ASCC1: variants seen among roughly 807,000 people sequenced by gnomAD.
The protein encoded by ASCC1 is ASC-1 complex subunit P50.
Under a neutral mutation model 46.6 loss-of-function variants are expected in ASCC1, and 35 were observed. The observed-to-expected ratio is 0.75, with a 90% confidence interval of 0.57 to 0.99. The LOEUF (loss-of-function observed/expected upper bound fraction) is 0.99, where lower values mean the gene tolerates loss of function less well. Ranked by LOEUF, ASCC1 falls within the 50% of genes least tolerant of loss-of-function variation. ASCC1 has a pLI of 0.00. For synonymous variants in ASCC1, 143 were observed against 146.6 expected (o/e 0.98, Z 0.18); for missense variants, 376 against 428.7 (o/e 0.88, Z 1.09).
At chr10:72,211,123 A>C (rs1013484523) in intron 2 of ASCC1, among the ~76,000 whole-genome samples, 1 of 152,210 alleles carries the variant, frequency 6.6e-6, no homozygotes, top group Non-Finnish European at 1.5e-5. Flanking sequence ...TCGCTTTCCA[A>C]GGTTTCAATT....
At position 72,193,992 on chromosome 10, in the gene ASCC1, A is replaced by G. The variant is rs552627809; in HGVS notation, c.489+2819T>C. On this transcript the variant is annotated intron_variant, in intron 5 of 9. Coordinates refer to ENST00000672957, the MANE Select transcript of ASCC1 (RefSeq NM_001198800.3). ...TGGGGCTACAGGTGCCCGCCACCAC[A>G]CCCGGCTAATTTTTTTTTTTTTTGT... is the stretch of plus-strand genomic sequence containing the variant. 1.1e-3 allele frequency among the ~76,000 whole-genome samples: 158 copies of G among 150,436 alleles called. 4 individuals are homozygous for G. The highest frequency in any genetic ancestry group is 3.2e-3 in the African/African-American group (133 of 40,978).
At chr10:72,204,449 C>T (rs780389698) in intron 3 of ASCC1, 1 of 1,550,378 alleles carries the variant, frequency 6.5e-7, no homozygotes, top group South Asian at 1.2e-5. Flanking sequence ...AATATTCTGA[C>T]AATCCAAAGT....
At chr10:72,132,558 TAGAC>T (rs915644194) in intron 8 of ASCC1, among the ~76,000 whole-genome samples, 3 of 152,110 alleles carry the variant, frequency 2.0e-5, no homozygotes, top group South Asian at 4.1e-4. Flanking sequence ...TGTAGAGTGT[TAGAC>T]AGCACCCACT....
At chr10:72,213,696 C>G (rs754518835) in intron 1 of ASCC1, among the ~76,000 whole-genome samples, 45 of 150,934 alleles carry the variant, frequency 3.0e-4, no homozygotes, top group Non-Finnish European at 2.2e-4. Context: ...TTGGTTGAGG[C>G]TGGAGTTCAA....
chr10:72,201,348 G>T (rs1422203517), intron 4 of ASCC1, among the ~76,000 whole-genome samples: 3 of 152,096 alleles, frequency 2.0e-5, no homozygotes, highest in Admixed American at 2.0e-4. Flanking sequence ...AAATGAAAAA[G>T]AGTACTTATA....
intron 5 of ASCC1, among the ~76,000 whole-genome samples, chr10:72,166,523 A>G (rs1850367589): frequency 6.6e-6 from 1 of 152,034 alleles, no homozygotes; most frequent in South Asian, 2.1e-4. Context: ...AAAACCCACA[A>G]TATCTGCCTT....
intron 9 of ASCC1, among the ~76,000 whole-genome samples, chr10:72,124,622 T>C (rs143717635): frequency 9.9e-4 from 151 of 152,246 alleles, no homozygotes; most frequent in African/African-American, 3.4e-3. Flanking sequence ...ATTTTACTTC[T>C]AGCTAGTGAG....
chr10:72,170,336 T>TA (rs1356959615), intron 5 of ASCC1, among the ~76,000 whole-genome samples: 2 of 152,142 alleles, frequency 1.3e-5, no homozygotes, highest in Non-Finnish European at 2.9e-5. Context: ...CTGTATACTC[T>TA]AAGAAGGACA....
chr10:72,145,153 G>C (rs1223992025), intron 7 of ASCC1, among the ~76,000 whole-genome samples: 2 of 152,134 alleles, frequency 1.3e-5, no homozygotes, highest in Admixed American at 1.3e-4. Context: ...GTCTGCTGTC[G>C]TCATAATTGT....
chr10:72,161,769 C>G, intron 5 of ASCC1, 95 bp from the exon 6 acceptor site: 1 of 1,454,680 alleles, frequency 6.9e-7, no homozygotes, highest in Non-Finnish European at 9.6e-7. Context: ...CACACACCTA[C>G]AGCCAAGTGA....
chr10:72,133,590 C>A (rs552709864), intron 7 of ASCC1: 1 of 278,376 alleles, frequency 3.6e-6, no homozygotes. Context: ...ACAGCATATT[C>A]AAAAAACTGT....
At chr10:72,099,480 C>T (rs2131869805) in intron 9 of ASCC1, among the ~76,000 whole-genome samples, 1 of 152,218 alleles carries the variant, frequency 6.6e-6, no homozygotes, top group Admixed American at 6.5e-5. Flanking sequence ...ACCCACTGTA[C>T]CAACCACAAC....
At position 72,196,983 on chromosome 10, in the gene ASCC1, G is replaced by C; in HGVS notation, c.317C>G (p.Thr106Ser). ...AATTACACCATTTCGATGCTGGCCA[G>C]TGATTACTGTAAACAAAGAAGAAAG... The part of the protein sequence containing the change: ...KPGQDGEIVI[T>S]GQHRNGVISA... Residue 106 changes from threonine (T) to serine (S), a missense_variant, in exon 5 of 10, where the codon ACT becomes AGT. By Grantham distance (58) the Thr-to-Ser change is moderately conservative (BLOSUM62 1). Coordinates refer to ENST00000672957, the MANE Select transcript of ASCC1 (RefSeq NM_001198800.3). 1 of 1,613,614 alleles carries C rather than the reference G, an allele frequency of 6.2e-7. No individual in the cohort carries two copies. Among genetic ancestry groups the C allele is most frequent in the Non-Finnish European group, 8.5e-7 (1 of 1,180,004 alleles).
At chr10:72,203,573 TAAAG>T (rs750198136) in intron 3 of ASCC1, 49 bp from the exon 4 acceptor site, 1 of 1,301,954 alleles carries the variant, frequency 7.7e-7, no homozygotes, top group South Asian at 1.2e-5. Flanking sequence ...TGTACCAAAA[TAAAG>T]AACCTCATTA....
intron 9 of ASCC1, among the ~76,000 whole-genome samples, chr10:72,100,046 T>C (rs1841562133): frequency 6.6e-6 from 1 of 152,200 alleles, no homozygotes; most frequent in African/African-American, 2.4e-5. Flanking sequence ...TAAGTCGCCA[T>C]GTTCTTTCAT....
At chr10:72,133,524 G>T (rs1278323895) in intron 7 of ASCC1, 1 of 292,984 alleles carries the variant, frequency 3.4e-6, no homozygotes, top group Non-Finnish European at 6.6e-6. Flanking sequence ...GGAAGGAGGG[G>T]CACTTCAAGT....
chr10:72,161,061 C>T (rs1462652665), intron 6 of ASCC1, among the ~76,000 whole-genome samples: 4 of 151,424 alleles, frequency 2.6e-5, no homozygotes, highest in Admixed American at 1.3e-4. Context: ...CCAGCCTGGG[C>T]GACAGAGCAA....
At chr10:72,173,886 C>G (rs780182881) in intron 5 of ASCC1, among the ~76,000 whole-genome samples, 7 of 152,240 alleles carry the variant, frequency 4.6e-5, no homozygotes, top group Non-Finnish European at 8.8e-5. Context: ...CTGGAACTAT[C>G]TTACTCCATT....
chr10:72,173,847 C>A (rs1474462369), intron 5 of ASCC1, among the ~76,000 whole-genome samples: 1 of 152,172 alleles, frequency 6.6e-6, no homozygotes, highest in Non-Finnish European at 1.5e-5. Context: ...TTACACTGGG[C>A]CCTGCTCCAA....
Sources: allele counts gnomAD v4.1 joint callset (sites outside exome capture counted in the v4.1 genomes callset), GRCh38; gene constraint gnomAD v4.1.1; transcripts MANE v1.5; gene names NCBI Gene and HGNC (gene_info 2026-07-23, HGNC 2026-07-21).